Variants in ZFX observed in about 807,000 individuals in gnomAD.
The protein encoded by ZFX is zinc finger X-chromosomal protein.
For synonymous variants in ZFX, 196 were observed against 226.8 expected, an observed-to-expected ratio of 0.86 and a Z score of 1.22; for missense variants, 362 against 628.3, an observed-to-expected ratio of 0.58 and a Z score of 4.53.
At chrX:24,173,796 C>A in intron 4 of ZFX, 1 of 423,315 alleles carries the variant, frequency 2.4e-6, no homozygotes, top group Non-Finnish European at 4.1e-6. Flanking sequence ...GGTTTTGCCA[C>A]GTTGCCCAGG....
intron 3 of ZFX, among the ~76,000 whole-genome samples, chrX:24,160,764 T>G (rs189241436): frequency 1.8e-5 from 2 of 111,992 alleles, no homozygotes; most frequent in African/African-American, 6.5e-5. Flanking sequence ...TAATGAATTA[T>G]TTTTAACTAT....
intron 3 of ZFX, among the ~76,000 whole-genome samples, chrX:24,153,052 T>G (rs1216267049): frequency 4.4e-5 from 5 of 112,363 alleles, no homozygotes; most frequent in Non-Finnish European, 9.4e-5. Flanking sequence ...ACAAATTTTT[T>G]TTTCCACATT....
chrX:24,173,640 C>T (rs1934847117), intron 4 of ZFX: 3 of 1,026,422 alleles, frequency 2.9e-6, no homozygotes, highest in Admixed American at 2.7e-5. Context: ...GGCTGGAGCA[C>T]AGTGGCGCCA....
intron 3 of ZFX, among the ~76,000 whole-genome samples, chrX:24,163,831 TAAAAAAAAGA>T (rs1286911177): frequency 4.4e-4 from 29 of 65,281 alleles, no homozygotes; most frequent in African/African-American, 1.8e-3. Flanking sequence ...CCCCCTCTTT[TAAAAAAAAGA>T]AAAAAAAAAA....
rs1285024037 is a variant in ZFX at position 24,214,801 on chromosome X, A to C, written c.*3425A>C. ...TGGTTTTTGAGAGCACTTAAAGTTC[A>C]TTTCAGTATTAATTTACAGCATATT... On this transcript the variant is annotated 3_prime_UTR_variant, in exon 10 of 10. Transcript: ENST00000304543. 2 of 111,894 alleles carry C rather than the reference A, an allele frequency of 1.8e-5. No homozygotes were observed. The highest frequency in any genetic ancestry group is 6.5e-5 in the African/African-American group (2 of 30,788). 9.2% of individuals were successfully genotyped at this position (111,894 alleles called of 1,213,427 possible).
At chrX:24,206,881 A>G (rs1046307485) in intron 5 of ZFX, among the ~76,000 whole-genome samples, 1 of 110,626 alleles carries the variant, frequency 9.0e-6, no homozygotes, top group African/African-American at 3.3e-5. Context: ...TATTTATTGA[A>G]TCTTCTAGTT....
chrX:24,181,863 G>A (rs1272399570), intron 5 of ZFX, among the ~76,000 whole-genome samples: 3 of 111,685 alleles, frequency 2.7e-5, no homozygotes, highest in Non-Finnish European at 5.6e-5. Context: ...ATTTTAGGAT[G>A]ATGATCCTTG....
At chrX:24,161,138 C>T (rs1933258514) in intron 3 of ZFX, among the ~76,000 whole-genome samples, 1 of 111,447 alleles carries the variant, frequency 9.0e-6, no homozygotes, top group Admixed American at 9.6e-5. Flanking sequence ...ATAATAAGGT[C>T]AAAAAACATC....
upstream of ZFX, chrX:24,149,074 G>T (rs775255332): frequency 3.1e-5 from 3 of 97,866 alleles, no homozygotes; most frequent in South Asian, 1.7e-3. Flanking sequence ...TGGCAAGCCC[G>T]TTTTCATTTT....
chrX:24,156,362 T>C (rs1322327477), intron 3 of ZFX, among the ~76,000 whole-genome samples: 3 of 111,680 alleles, frequency 2.7e-5, no homozygotes, highest in Non-Finnish European at 5.6e-5. Flanking sequence ...TTATGGCTTG[T>C]GTTTTCTTAT....
At chrX:24,168,671 C>CTTTTTTTTTTT (rs141296315) in intron 3 of ZFX, among the ~76,000 whole-genome samples, 4 of 83,237 alleles carry the variant, frequency 4.8e-5, no homozygotes, top group African/African-American at 9.2e-5. Flanking sequence ...TTCTTTCTTT[C>CTTTTTTTTTTT]TTTTTTTTTT....
intron 3 of ZFX, among the ~76,000 whole-genome samples, chrX:24,170,265 C>T (rs894769818): frequency 2.4e-4 from 26 of 107,734 alleles, no homozygotes; most frequent in Admixed American, 7.0e-4. Flanking sequence ...AAGTAGTTCT[C>T]CCTGCCTCAA....
At chrX:24,185,926 C>T (rs1213389126) in intron 5 of ZFX, among the ~76,000 whole-genome samples, 2 of 107,626 alleles carry the variant, frequency 1.9e-5, no homozygotes, top group African/African-American at 3.3e-5. Context: ...AGAATGAGAC[C>T]CTGTTTCTTA....
In ZFX at chrX:24,179,064, T is replaced by G. The variant is rs956376843; in HGVS notation, c.59-119T>G. 1.4e-5 allele frequency: 9 copies of G among 620,861 alleles called. No individual in the cohort carries two copies. In the East Asian group the frequency reaches 3.0e-4, roughly 20 times the overall value. 51.2% of individuals were successfully genotyped at this position (620,861 alleles called of 1,213,427 possible). A position where few individuals can be genotyped will look rare whatever the true frequency, so the allele number is the denominator to read the frequency against. ...TCCCTCTTTATTTCTTTAATCTATC[T>G]TAATGTTTAAGAAAACTGAGGAGCT... is the stretch of plus-strand genomic sequence containing the variant. On this transcript the variant is annotated intron_variant, in intron 4 of 9. Transcript: ENST00000304543.
chrX:24,202,398 C>A (rs995980351), intron 5 of ZFX, among the ~76,000 whole-genome samples: 2 of 111,730 alleles, frequency 1.8e-5, no homozygotes, highest in African/African-American at 6.5e-5. Context: ...TTCACATGTT[C>A]CATTGACTCC....
rs989014762 is a variant in ZFX, at chrX:24,201,783, C to T, written c.647-5543C>T. Among the ~76,000 whole-genome samples the T allele has an allele frequency of 6.2e-5, 7 of 112,346 alleles. No homozygotes were observed. The East Asian group carries it at 1.4e-3, about 22-fold the overall frequency. ...AGAAGTAAGAACATTAATATTGACT[C>T]TTTCTCCCTACAAACCATTTTTATA... On this transcript the variant is annotated intron_variant, in intron 5 of 9. Transcript: ENST00000304543.
chrX:24,192,015 A>G (rs1052105951), intron 5 of ZFX, among the ~76,000 whole-genome samples: 1 of 111,891 alleles, frequency 8.9e-6, no homozygotes, highest in Non-Finnish European at 1.9e-5. Context: ...TGAGTATTAA[A>G]TAGCCATCCA....
intron 3 of ZFX, among the ~76,000 whole-genome samples, chrX:24,166,125 A>G (rs759670741): frequency 8.9e-6 from 1 of 112,694 alleles, no homozygotes; most frequent in Admixed American, 9.4e-5. Flanking sequence ...CATTGGTACA[A>G]GTAGGTTCAG....
chrX:24,210,457 C>T lies in ZFX; in HGVS notation c.1499C>T (p.Ala500Val). 1 of 1,211,845 alleles carries T rather than the reference C, an allele frequency of 8.3e-7. No individual in the cohort carries two copies. Among genetic ancestry groups the T allele is most frequent in the East Asian group, 3.0e-5 (1 of 33,840 alleles). ...CDECGKHFSHAGALFTHKMVH... is the reference protein window; with the variant it reads ...CDECGKHFSHVGALFTHKMVH... Reference sequence around the variant, plus strand: ...GAGTGTGGGAAGCATTTCTCTCATGCAGGGGCTTTGTTTACTCACAAAATG... The same window carrying T: ...GAGTGTGGGAAGCATTTCTCTCATGTAGGGGCTTTGTTTACTCACAAAATG... Residue 500 changes from alanine to valine, a missense_variant, in exon 10 of 10, where the codon GCA (alanine) becomes GTA (valine). Ala to Val is a moderately conservative substitution (Grantham distance 64). Transcript: ENST00000304543.
Sources: allele counts gnomAD v4.1 joint callset (sites outside exome capture counted in the v4.1 genomes callset), GRCh38; gene constraint gnomAD v4.1.1; transcripts MANE v1.5; gene names NCBI Gene and HGNC (gene_info 2026-07-23, HGNC 2026-07-21).